DLG2: variants seen among roughly 807,000 people sequenced by gnomAD.
DLG2 encodes the protein discs large MAGUK scaffold protein 2, also known as disks large homolog 2.
A neutral mutation model predicts 132.5 loss-of-function variants in DLG2; 45 were observed. The observed-to-expected ratio is 0.34, with a 90% CI of 0.27 to 0.44. The LOEUF (loss-of-function observed/expected upper bound fraction) is 0.44. Among genes scored for constraint, DLG2 ranks in the 20% least tolerant of loss-of-function variants. DLG2 has a pLI of 1.00. For missense variants in DLG2, 1,045 were observed against 1,196.9 expected, an observed-to-expected ratio of 0.87 and a Z score of 1.87; for synonymous variants, 424 against 419.6, an observed-to-expected ratio of 1.01 and a Z score of -0.13.
At chr11:85,137,340 T>C (rs2076197605) in intron 5 of DLG2, among the ~76,000 whole-genome samples, 1 of 152,154 alleles carries the variant, frequency 6.6e-6, no homozygotes, top group South Asian at 2.1e-4. Context: ...AGGAAATAAT[T>C]ATAATCCCTA....
At chr11:84,610,499 G>C (rs767459296) in intron 6 of DLG2, among the ~76,000 whole-genome samples, 1 of 152,082 alleles carries the variant, frequency 6.6e-6, no homozygotes, top group Admixed American at 6.6e-5. Context: ...TCTTGGAAGA[G>C]AAGTCAGGTG....
At chr11:85,403,953 T>C (rs1421558915) in intron 3 of DLG2, among the ~76,000 whole-genome samples, 1 of 151,778 alleles carries the variant, frequency 6.6e-6, no homozygotes, top group Non-Finnish European at 1.5e-5. Context: ...AAAATAAGGG[T>C]TGTAATAGGT....
intron 19 of DLG2, among the ~76,000 whole-genome samples, chr11:83,614,884 T>A (rs2060584884): frequency 6.6e-6 from 1 of 152,246 alleles, no homozygotes; most frequent in Non-Finnish European, 1.5e-5. Context: ...TCCAATATTT[T>A]AAGAAGTACT....
intron 3 of DLG2, among the ~76,000 whole-genome samples, chr11:85,341,795 G>T (rs923109088): frequency 2.0e-5 from 3 of 152,112 alleles, no homozygotes; most frequent in Non-Finnish European, 2.9e-5. Context: ...AGGTGATAAG[G>T]CCTGCTACAC....
chr11:83,620,685 A>G (rs1173540439), intron 19 of DLG2, among the ~76,000 whole-genome samples: 7 of 151,584 alleles, frequency 4.6e-5, no homozygotes, highest in African/African-American at 1.7e-4. Flanking sequence ...CCCGGCTAAA[A>G]CGGTGAAACC....
At chr11:84,582,939 T>C (rs2099520117) in intron 6 of DLG2, among the ~76,000 whole-genome samples, 1 of 152,208 alleles carries the variant, frequency 6.6e-6, no homozygotes, top group African/African-American at 2.4e-5. Flanking sequence ...CTATTTAATC[T>C]TTCCTAAAGG....
chr11:85,592,592 T>C (rs1358122591), intron 3 of DLG2, among the ~76,000 whole-genome samples: 1 of 152,188 alleles, frequency 6.6e-6, no homozygotes, highest in Non-Finnish European at 1.5e-5. Flanking sequence ...GAAACTATCT[T>C]GTAACATAAA....
intron 10 of DLG2, among the ~76,000 whole-genome samples, chr11:84,096,208 T>A (rs1386621985): frequency 6.6e-6 from 1 of 152,166 alleles, no homozygotes; most frequent in Non-Finnish European, 1.5e-5. Context: ...CTTATTATTA[T>A]GGCCACAATA....
At chr11:84,487,415 G>T (rs2099153864) in intron 7 of DLG2, among the ~76,000 whole-genome samples, 1 of 151,982 alleles carries the variant, frequency 6.6e-6, no homozygotes, top group Non-Finnish European at 1.5e-5. Context: ...ATCTCAAAAA[G>T]AATAGAGTAA....
At chr11:83,515,845 T>G (rs1178338772) in intron 21 of DLG2, among the ~76,000 whole-genome samples, 2 of 152,256 alleles carry the variant, frequency 1.3e-5, no homozygotes, top group Non-Finnish European at 2.9e-5. Context: ...TTGAGTGAGT[T>G]TCTTAATCCT....
At chr11:83,745,301 A>G (rs1566796051) in intron 18 of DLG2, among the ~76,000 whole-genome samples, 1 of 152,218 alleles carries the variant, frequency 6.6e-6, no homozygotes, top group Non-Finnish European at 1.5e-5. Context: ...ACTATGCAAC[A>G]CTATCCTTGA....
chr11:84,209,760 T>C (rs1474014702), intron 8 of DLG2, among the ~76,000 whole-genome samples: 2 of 152,132 alleles, frequency 1.3e-5, no homozygotes, highest in Non-Finnish European at 2.9e-5. Flanking sequence ...AAAAGCGCAA[T>C]GAGATGCCAC....
At chr11:84,640,994 A>T (rs968321197) in intron 6 of DLG2, among the ~76,000 whole-genome samples, 2 of 151,986 alleles carry the variant, frequency 1.3e-5, no homozygotes, top group Non-Finnish European at 2.9e-5. Flanking sequence ...GATTTGGAAA[A>T]TTTTTTTACA....
intron 6 of DLG2, among the ~76,000 whole-genome samples, chr11:84,692,648 A>G (rs1217309051): frequency 6.6e-6 from 1 of 151,718 alleles, no homozygotes; most frequent in African/African-American, 2.4e-5. Flanking sequence ...GGGTAATTTA[A>G]ATTCAAATTA....
chr11:85,143,363 T>C (rs2076623957), intron 5 of DLG2, among the ~76,000 whole-genome samples: 1 of 151,856 alleles, frequency 6.6e-6, no homozygotes. Context: ...AATGATCCTT[T>C]GAATTTCTGT....
Position 84,906,431 on chromosome 11 carries a change from C to A in DLG2, c.357+205230G>T, listed in dbSNP as rs189966582. Among the ~76,000 whole-genome samples the A allele has an allele frequency of 1.7e-3, 255 of 146,552 alleles. 2 individuals carry two copies. The highest frequency in any genetic ancestry group is 6.1e-3 in the African/African-American group (244 of 40,078). On this transcript the variant is annotated intron_variant, in intron 6 of 27. Coordinates refer to ENST00000376104, the MANE Select transcript of DLG2 (RefSeq NM_001142699.3). ...ACACACACAGAGAGCCAAGGGGTGG[C>A]AATAATTAGTGTGCTTTAAGTCAGG...
intron 6 of DLG2, among the ~76,000 whole-genome samples, chr11:84,714,595 T>TTCTCTTTCTCTTTCTCTTTC (rs1351118874): frequency 3.1e-4 from 32 of 103,906 alleles, no homozygotes; most frequent in Middle Eastern, 4.7e-3. Flanking sequence ...CTCTTTCTCT[T>TTCTCTTTCTCTTTCTCTTTC]TCTTTCTCTT....
intron 21 of DLG2, among the ~76,000 whole-genome samples, chr11:83,497,629 C>T (rs2094221211): frequency 6.6e-6 from 1 of 151,494 alleles, no homozygotes; most frequent in South Asian, 2.1e-4. Flanking sequence ...GTCTTTTTTT[C>T]ATGAATTTAA....
intron 21 of DLG2, among the ~76,000 whole-genome samples, chr11:83,523,615 G>A (rs992719003): frequency 1.3e-5 from 2 of 152,206 alleles, no homozygotes; most frequent in African/African-American, 4.8e-5. Context: ...TTACCTCACA[G>A]GGTTACTGTT....
Sources: allele counts gnomAD v4.1 joint callset (sites outside exome capture counted in the v4.1 genomes callset), GRCh38; gene constraint gnomAD v4.1.1; transcripts MANE v1.5; gene names NCBI Gene and HGNC (gene_info 2026-07-23, HGNC 2026-07-21).